Variants in C8B observed in about 807,000 individuals in gnomAD.
C8B encodes complement C8 beta chain.
In C8B, 67 loss-of-function variants were observed where a neutral mutation model predicts 64.6. The observed-to-expected ratio is 1.04, with a 90% CI of 0.85 to 1.27. The LOEUF (loss-of-function observed/expected upper bound fraction) is 1.27, where lower values mean the gene tolerates loss of function less well. C8B is among the 50% of genes most tolerant of loss of function. C8B has a pLI of 0.00. For synonymous variants in C8B, 284 were observed against 257.7 expected, an observed-to-expected ratio of 1.10 and a Z score of -0.98; for missense variants, 790 against 725.2, an observed-to-expected ratio of 1.09 and a Z score of -1.03.
intron 7 of C8B, among the ~76,000 whole-genome samples, chr1:56,944,764 C>T (rs1374840728): frequency 2.0e-5 from 3 of 152,160 alleles, no homozygotes; most frequent in Middle Eastern, 3.2e-3. Flanking sequence ...CTGATTTTGA[C>T]AAGACTGAGG....
intron 9 of C8B, among the ~76,000 whole-genome samples, chr1:56,936,936 T>A: frequency 6.6e-6 from 1 of 152,204 alleles, no homozygotes; most frequent in East Asian, 1.9e-4. Context: ...GCAGGTGAGC[T>A]TTGTCAATCC....
chr1:56,934,164 C>CT (rs60467453), intron 9 of C8B, among the ~76,000 whole-genome samples: 125,996 of 143,372 alleles, frequency 0.88, 55,388 homozygotes, highest in South Asian at 0.96. Context: ...GTGCAGGGTC[C>CT]TTTTTTTTTT....
Position 56,954,843 on chromosome 1 carries a change from A to G in C8B, c.392-16T>C, listed in dbSNP as rs758838153. The G allele has an allele frequency of 3.1e-6, 5 of 1,613,978 alleles. No individual in the cohort carries two copies. In the African/African-American group the frequency reaches 6.7e-5, roughly 22 times the overall value. ...ACACACCTTCCTAGAATGGAGAAAG[A>G]GTATTACCCACAGCCACATGGTTGG... On this transcript the variant is annotated splice_polypyrimidine_tract_variant and intron_variant, in intron 3 of 11. Coordinates refer to ENST00000371237, the MANE Select transcript of C8B (RefSeq NM_000066.4).
intron 11 of C8B, 96 bp from the exon 12 acceptor site, chr1:56,929,654 G>T (rs888373378): frequency 8.3e-7 from 1 of 1,197,868 alleles, no homozygotes; most frequent in East Asian, 2.4e-5. Flanking sequence ...AAGGCTTTGG[G>T]AGTCTGAATC....
At chr1:56,930,667 T>C (rs1342611775) in intron 11 of C8B, among the ~76,000 whole-genome samples, 2 of 152,192 alleles carry the variant, frequency 1.3e-5, no homozygotes, top group African/African-American at 2.4e-5. Context: ...CCTAATTGTG[T>C]GACTATTGGG....
chr1:56,955,468 T>C (rs944685910), intron 3 of C8B, among the ~76,000 whole-genome samples: 12 of 152,240 alleles, frequency 7.9e-5, no homozygotes, highest in African/African-American at 2.9e-4. Flanking sequence ...TTCCTCCTGA[T>C]TGATTTCCTT....
chr1:56,965,789 C>A, intron 1 of C8B, 68 bp downstream of exon 1: 2 of 1,550,660 alleles, frequency 1.3e-6, no homozygotes, highest in Non-Finnish European at 1.8e-6. Flanking sequence ...AAGAGATGGT[C>A]AGCATCATGT....
chr1:56,950,758 G>A (rs909234100), intron 5 of C8B, among the ~76,000 whole-genome samples: 12 of 152,166 alleles, frequency 7.9e-5, no homozygotes, highest in African/African-American at 2.9e-4. Context: ...AGGAGATAAT[G>A]GTCCCTTTCA....
chr1:56,942,927 A>G (rs1644885018), intron 8 of C8B, among the ~76,000 whole-genome samples: 1 of 151,072 alleles, frequency 6.6e-6, no homozygotes, highest in Admixed American at 6.6e-5. Flanking sequence ...ATAAAATAAA[A>G]TAAATAATAA....
rs553393814 is a variant in C8B at position 56,949,581 on chromosome 1, T to G, written c.838A>C (p.Arg280=). 1 of 1,614,048 alleles carries G rather than the reference T, an allele frequency of 6.2e-7. No homozygotes were observed. Among genetic ancestry groups the G allele is most frequent in the East Asian group, 2.2e-5 (1 of 44,854 alleles). ...GTATGAGAGAATCGTTTGGTTCTCCTAATATAGTGTTTGCCTCGATCACTT... is the reference window on the plus strand; with the variant it reads ...GTATGAGAGAATCGTTTGGTTCTCCGAATATAGTGTTTGCCTCGATCACTT... ...SQSDRGKHYI[R]RTKRFSHTKS... Residue 280 remains arginine, a synonymous_variant, in exon 6 of 12, where the codon AGG becomes CGG. Transcript: ENST00000371237.
chr1:56,957,235 C>T (rs1179615326), intron 2 of C8B, among the ~76,000 whole-genome samples: 2 of 152,152 alleles, frequency 1.3e-5, no homozygotes, highest in African/African-American at 4.8e-5. Context: ...ACTCCATGGG[C>T]TCTGGAGTCA....
chr1:56,956,572 A>G (rs552835180), intron 3 of C8B, among the ~76,000 whole-genome samples, 197 bp downstream of exon 3: 1 of 152,328 alleles, frequency 6.6e-6, no homozygotes, highest in South Asian at 2.1e-4. Context: ...TAATGAGGAT[A>G]ATAATAACAC....
intron 7 of C8B, among the ~76,000 whole-genome samples, chr1:56,945,214 T>C (rs1192816859): frequency 6.6e-6 from 1 of 152,188 alleles, no homozygotes; most frequent in African/African-American, 2.4e-5. Flanking sequence ...TGTGAAGGTC[T>C]GGTCATGGGG....
intron 1 of C8B, among the ~76,000 whole-genome samples, chr1:56,962,278 A>C (rs898050846): frequency 6.6e-6 from 1 of 152,212 alleles, no homozygotes; most frequent in African/African-American, 2.4e-5. Context: ...GAAGGTGGCA[A>C]TATAATGAAG....
intron 11 of C8B, among the ~76,000 whole-genome samples, 187 bp from the exon 12 acceptor site, chr1:56,929,745 C>T (rs1410103197): frequency 6.6e-6 from 1 of 152,026 alleles, no homozygotes; most frequent in African/African-American, 2.4e-5. Context: ...ATATGCTTTC[C>T]CCCCTGTGCC....
rs910167099 is a variant in C8B at position 56,940,795 on chromosome 1, C to T, written c.1398+54G>A. 10 of 1,609,406 alleles carry T rather than the reference C, an allele frequency of 6.2e-6. No individual in the cohort carries two copies. In the African/African-American group the frequency reaches 1.2e-4, roughly 19 times the overall value. ...TTTATACCTTGGCTCATGGTAGGTC[C>T]TCAGAAGCTATTTTCTGGGTGGAGG... On this transcript the variant is annotated intron_variant, in intron 9 of 11. Transcript: ENST00000371237.
At chr1:56,956,363 G>A (rs1645103797) in intron 3 of C8B, among the ~76,000 whole-genome samples, 2 of 152,280 alleles carry the variant, frequency 1.3e-5, no homozygotes, top group South Asian at 2.1e-4. Flanking sequence ...GAGCCAAAAT[G>A]CAGAAAGGTT....
intron 11 of C8B, 170 bp downstream of exon 11, chr1:56,931,640 A>G: frequency 1.6e-6 from 1 of 627,978 alleles, no homozygotes; most frequent in Non-Finnish European, 2.9e-6. Flanking sequence ...ATAACAATCA[A>G]TCCATCAGTT....
intron 9 of C8B, among the ~76,000 whole-genome samples, 163 bp from the exon 10 acceptor site, chr1:56,933,651 C>T (rs114556689): frequency 3.3e-4 from 50 of 152,256 alleles, no homozygotes; most frequent in African/African-American, 1.1e-3. Flanking sequence ...TCCCCTTACC[C>T]GATATACACA....
Sources: gnomAD v4.1 joint callset for allele counts (sites outside exome capture counted in the v4.1 genomes callset) on GRCh38, gnomAD v4.1.1 for gene constraint, MANE v1.5 for transcripts, NCBI Gene and HGNC (gene_info 2026-07-23, HGNC 2026-07-21) for gene names.